The following CERS3 variants were observed in gnomAD, a reference collection of about 807,000 sequenced individuals.
CERS3 encodes ceramide synthase 3, also known as LAG1 homolog, ceramide synthase 3.
Under a neutral mutation model 50.3 loss-of-function variants are expected in CERS3, and 33 were observed. The ratio of observed to expected loss-of-function variants is 0.66; its 90% CI spans 0.50 to 0.88. CERS3 has a LOEUF of 0.88. Among genes scored for constraint, CERS3 ranks in the 40% least tolerant of loss-of-function variants. The pLI is 0.00. For missense variants in CERS3, 470 were observed against 460.3 expected (o/e 1.02, Z -0.19); for synonymous variants, 176 against 155.2 (o/e 1.13, Z -0.99).
intron 2 of CERS3, among the ~76,000 whole-genome samples, chr15:100,514,883 C>T (rs988911416): frequency 1.3e-5 from 2 of 152,098 alleles, no homozygotes; most frequent in Non-Finnish European, 2.9e-5. Context: ...ATCACTGATT[C>T]AACATTAGGA....
intron 8 of CERS3, among the ~76,000 whole-genome samples, chr15:100,474,144 G>C (rs948848063): frequency 2.3e-4 from 35 of 151,708 alleles, no homozygotes; most frequent in African/African-American, 8.5e-4. Context: ...GAGAAACGAG[G>C]AGTGACTGCT....
chr15:100,498,415 C>T (rs1785403538), intron 3 of CERS3, among the ~76,000 whole-genome samples: 1 of 152,092 alleles, frequency 6.6e-6, no homozygotes, highest in African/African-American at 2.4e-5. Flanking sequence ...AATTGTAAGT[C>T]TTAGCCCTAG....
chr15:100,476,972 T>C (rs1325005654), intron 7 of CERS3, among the ~76,000 whole-genome samples: 1 of 152,166 alleles, frequency 6.6e-6, no homozygotes, highest in African/African-American at 2.4e-5. Context: ...AAGAAGAGAA[T>C]CAAGGTGCTG....
At chr15:100,440,460 C>T (rs1353351513) in intron 11 of CERS3, among the ~76,000 whole-genome samples, 1 of 152,192 alleles carries the variant, frequency 6.6e-6, no homozygotes, top group African/African-American at 2.4e-5. Flanking sequence ...TTTTCCTTTA[C>T]CTACCCAAAT....
chr15:100,443,358 T>A (rs1393900095), intron 11 of CERS3, among the ~76,000 whole-genome samples: 1 of 150,494 alleles, frequency 6.6e-6, no homozygotes, highest in East Asian at 1.9e-4. Flanking sequence ...TTAAAGCCTA[T>A]AAACTCTCCT....
intron 1 of CERS3, among the ~76,000 whole-genome samples, chr15:100,536,074 C>T (rs2037067102): frequency 8.0e-6 from 1 of 124,844 alleles, no homozygotes; most frequent in Admixed American, 8.1e-5. Context: ...GTGGGGATAT[C>T]CCTGTGCTCA....
rs2034824307 is a variant in CERS3 at position 100,467,850 on chromosome 15, TATA to T, written c.845+1525_845+1527del. Reference sequence around the variant, plus strand: ...ATATATATACGTGTATATATATATATATAGATAGATAGATAGATAGATAGATAG... The same window carrying T: ...ATATATATACGTGTATATATATATATGATAGATAGATAGATAGATAGATAG... On this transcript the variant is annotated intron_variant, in intron 10 of 11. Transcript: ENST00000679737. Among the ~76,000 whole-genome samples, 4 of 93,138 alleles carry T rather than the reference TATA, an allele frequency of 4.3e-5. 1 individual carries two copies. The highest frequency in any genetic ancestry group is 9.3e-5 in the Non-Finnish European group (4 of 43,076). The allele number at this position is 93,138 out of a possible 152,430, so 61.1% of individuals were successfully genotyped here.
intron 11 of CERS3, among the ~76,000 whole-genome samples, chr15:100,420,665 T>G (rs2032355492): frequency 6.6e-6 from 1 of 151,338 alleles, no homozygotes; most frequent in Non-Finnish European, 1.5e-5. Flanking sequence ...TTGATGAACA[T>G]TGATGCAAAA....
chr15:100,478,083 G>C (rs1018498219), intron 7 of CERS3, among the ~76,000 whole-genome samples: 2 of 152,116 alleles, frequency 1.3e-5, no homozygotes, highest in African/African-American at 4.8e-5. Flanking sequence ...CAGATCCACA[G>C]GTGGTCAAGA....
rs1249030696 is a variant in CERS3, at chr15:100,466,558, G to T, written c.845+2820C>A. On this transcript the variant is annotated intron_variant, in intron 10 of 11. Transcript: ENST00000679737. ...ACTGAGGCTGTTTATGAAAAAAGAT[G>T]CAGCATCTCTCTAGCACTCTCTTGA... Among the ~76,000 whole-genome samples the T allele has an allele frequency of 7.9e-5, 12 of 152,214 alleles. No individual in the cohort carries two copies. The South Asian group carries it at 2.3e-3, about 29-fold the overall frequency.
chr15:100,539,912 C>T (rs1042023573), intron 1 of CERS3, among the ~76,000 whole-genome samples: 4 of 152,152 alleles, frequency 2.6e-5, no homozygotes, highest in South Asian at 2.1e-4. Flanking sequence ...TGTTTCCCTT[C>T]CCTTTCTGGT....
chr15:100,533,510 TTTTC>T (rs1388033109), upstream of CERS3, among the ~76,000 whole-genome samples: 2 of 152,012 alleles, frequency 1.3e-5, no homozygotes, highest in South Asian at 2.1e-4. Flanking sequence ...CTTTCTTTTC[TTTTC>T]TTTCTTTCTC....
chr15:100,418,306 C>A (rs543763388), intron 11 of CERS3, among the ~76,000 whole-genome samples: 3 of 151,688 alleles, frequency 2.0e-5, no homozygotes, highest in African/African-American at 7.3e-5. Context: ...GAAGCCGATG[C>A]GATCAACTGG....
At chr15:100,474,581 T>C (rs1374178647) in intron 8 of CERS3, among the ~76,000 whole-genome samples, 6 of 152,148 alleles carry the variant, frequency 3.9e-5, no homozygotes, top group Non-Finnish European at 7.3e-5. Context: ...ATTTTTGTAT[T>C]TTTAGAAGAG....
chr15:100,534,136 C>T (rs2037012908), intron 1 of CERS3, among the ~76,000 whole-genome samples: 1 of 152,176 alleles, frequency 6.6e-6, no homozygotes, highest in Admixed American at 6.5e-5. Flanking sequence ...GGGTAATGGC[C>T]ATTTGTGAAT....
chr15:100,485,066 C>T (rs964200422), intron 4 of CERS3, among the ~76,000 whole-genome samples: 1 of 152,044 alleles, frequency 6.6e-6, no homozygotes, highest in Admixed American at 6.5e-5. Context: ...AACTGAAGCC[C>T]CAAGAAGTTC....
chr15:100,433,950 G>A (rs572459054), intron 11 of CERS3, among the ~76,000 whole-genome samples: 1 of 152,234 alleles, frequency 6.6e-6, no homozygotes, highest in Non-Finnish European at 1.5e-5. Flanking sequence ...TTGCATGCAG[G>A]TAGATTTAGG....
At chr15:100,414,688 C>G (rs1486622287) in intron 11 of CERS3, among the ~76,000 whole-genome samples, 1 of 152,098 alleles carries the variant, frequency 6.6e-6, no homozygotes, top group East Asian at 1.9e-4. Flanking sequence ...AAAGGATTCC[C>G]TATTTAATAA....
chr15:100,506,044 G>A (rs188845159), intron 2 of CERS3, among the ~76,000 whole-genome samples: 66 of 151,684 alleles, frequency 4.4e-4, no homozygotes, highest in Admixed American at 1.3e-3. Context: ...GTCTTTGTGA[G>A]CCATCGGGTC....
Sources: gnomAD v4.1 joint callset for allele counts (sites outside exome capture counted in the v4.1 genomes callset) on GRCh38, gnomAD v4.1.1 for gene constraint, MANE v1.5 for transcripts, NCBI Gene and HGNC (gene_info 2026-07-23, HGNC 2026-07-21) for gene names.